The following PCDH15 variants were observed in gnomAD, a reference collection of about 807,000 sequenced individuals.
PCDH15 encodes the protein protocadherin-15.
Under a neutral mutation model 178.5 loss-of-function variants are expected in PCDH15, and 129 were observed. The observed-to-expected ratio is 0.72, with a 90% CI of 0.63 to 0.84. PCDH15 has a LOEUF of 0.84. PCDH15 is among the 40% of genes least tolerant of loss of function. The pLI is 0.00. For synonymous variants in PCDH15, 800 were observed against 732.0 expected (o/e 1.09, Z -1.50); for missense variants, 2,230 against 2,099.9 (o/e 1.06, Z -1.21).
intron 2 of PCDH15, among the ~76,000 whole-genome samples, chr10:55,618,277 T>C (rs1160675238): frequency 1.3e-5 from 2 of 152,090 alleles, no homozygotes; most frequent in Non-Finnish European, 2.9e-5. Flanking sequence ...TTTACTGAGG[T>C]AAACTTTTTT....
intron 2 of PCDH15, among the ~76,000 whole-genome samples, chr10:55,398,852 A>G (rs1837991903): frequency 6.6e-6 from 1 of 152,172 alleles, no homozygotes; most frequent in Admixed American, 6.6e-5. Flanking sequence ...ATTTGCTCAA[A>G]TAATAAAATA....
chr10:54,187,557 G>A (rs1030313526), intron 11 of PCDH15, among the ~76,000 whole-genome samples: 10 of 151,828 alleles, frequency 6.6e-5, no homozygotes, highest in African/African-American at 2.2e-4. Flanking sequence ...TGGATAAACA[G>A]AAACATTAAA....
chr10:54,523,066 CAT>C (rs766622702), intron 3 of PCDH15, among the ~76,000 whole-genome samples: 1 of 152,112 alleles, frequency 6.6e-6, no homozygotes, highest in Non-Finnish European at 1.5e-5. Flanking sequence ...AAAGCAATAT[CAT>C]AGTTTCCAAT....
chr10:54,049,479 G>A lies in PCDH15; in HGVS notation c.2220+17278C>T, dbSNP rs2093721484. Reference sequence around the variant, plus strand: ...AGGTGAATGCTTTCAGCATTTTCATGTTCAGTATGATGTTGGCTGTGGATC... The same window carrying A: ...AGGTGAATGCTTTCAGCATTTTCATATTCAGTATGATGTTGGCTGTGGATC... On this transcript the variant is annotated intron_variant, in intron 18 of 37. Coordinates refer to ENST00000644397, the MANE Select transcript of PCDH15 (RefSeq NM_001384140.1). Among the ~76,000 whole-genome samples, 5 of 152,080 alleles carry A rather than the reference G, an allele frequency of 3.3e-5. No individual in the cohort carries two copies. The South Asian group carries it at 1.0e-3, about 31-fold the overall frequency.
chr10:55,106,022 A>G (rs1247883761), intron 2 of PCDH15, among the ~76,000 whole-genome samples: 3 of 151,748 alleles, frequency 2.0e-5, no homozygotes, highest in Non-Finnish European at 2.9e-5. Context: ...ATTCATCTGT[A>G]TTATAAGTTT....
At chr10:55,521,007 T>C (rs914310321) in intron 2 of PCDH15, among the ~76,000 whole-genome samples, 5 of 151,950 alleles carry the variant, frequency 3.3e-5, no homozygotes, top group African/African-American at 1.2e-4. Context: ...AATACAATAT[T>C]ACTAGCTACA....
chr10:54,226,783 C>A (rs2053496823), intron 9 of PCDH15, among the ~76,000 whole-genome samples: 1 of 152,162 alleles, frequency 6.6e-6, no homozygotes, highest in Non-Finnish European at 1.5e-5. Context: ...GGGATACGGG[C>A]ATTGGATAAA....
chr10:53,894,079 TAAAC>T (rs1268177256), intron 26 of PCDH15, among the ~76,000 whole-genome samples: 2 of 152,170 alleles, frequency 1.3e-5, no homozygotes, highest in South Asian at 2.1e-4. Context: ...AATAAAATTT[TAAAC>T]AAACACCAAT....
chr10:53,991,565 G>T (rs899870045), intron 21 of PCDH15, among the ~76,000 whole-genome samples: 2 of 151,804 alleles, frequency 1.3e-5, no homozygotes, highest in Admixed American at 1.3e-4. Context: ...CATCTAGTGG[G>T]GACTTGGAGA....
In PCDH15 at chr10:54,669,850, C is replaced by T. The variant is rs576955046; in HGVS notation, c.-28-5560G>A. Among the ~76,000 whole-genome samples, 24 of 151,656 alleles carry T rather than the reference C, an allele frequency of 1.6e-4. No individual in the cohort carries two copies. In the East Asian group the frequency reaches 4.7e-3, roughly 29 times the overall value. On this transcript the variant is annotated intron_variant, in intron 1 of 37. Coordinates refer to ENST00000644397, the MANE Select transcript of PCDH15 (RefSeq NM_001384140.1). Reference sequence around the variant, plus strand: ...CATAGATAACTCGAGATCAGGAGTTCCAGACCAGCCTGGCAAACTTGGTGA... The same window carrying T: ...CATAGATAACTCGAGATCAGGAGTTTCAGACCAGCCTGGCAAACTTGGTGA...
At chr10:54,287,338 TTTTG>T (rs772481725) in intron 8 of PCDH15, among the ~76,000 whole-genome samples, 9 of 152,198 alleles carry the variant, frequency 5.9e-5, no homozygotes, top group Non-Finnish European at 8.8e-5. Context: ...AATTTTACTA[TTTTG>T]TTTATTTGCT....
intron 2 of PCDH15, among the ~76,000 whole-genome samples, chr10:55,161,444 T>A (rs1234305937): frequency 6.6e-6 from 1 of 152,064 alleles, no homozygotes; most frequent in African/African-American, 2.4e-5. Flanking sequence ...GATAAAGTTT[T>A]ATTGGAACCC....
intron 2 of PCDH15, among the ~76,000 whole-genome samples, chr10:55,089,519 G>A (rs1842261487): frequency 6.6e-6 from 1 of 151,980 alleles, no homozygotes; most frequent in African/African-American, 2.4e-5. Flanking sequence ...AACTAACTGT[G>A]TGGCTCTAGA....
intron 2 of PCDH15, among the ~76,000 whole-genome samples, chr10:54,580,045 C>G (rs2090896212): frequency 6.6e-6 from 1 of 151,972 alleles, no homozygotes; most frequent in African/African-American, 2.4e-5. Context: ...AATGATCTAA[C>G]ATTACACCTA....
At chr10:54,871,936 G>T (rs987868977) in intron 3 of PCDH15, among the ~76,000 whole-genome samples, 2 of 152,018 alleles carry the variant, frequency 1.3e-5, no homozygotes, top group African/African-American at 2.4e-5. Flanking sequence ...AGGATGAGAT[G>T]ATAATTTATT....
At chr10:55,545,204 G>A (rs964006957) in intron 2 of PCDH15, among the ~76,000 whole-genome samples, 27 of 151,160 alleles carry the variant, frequency 1.8e-4, no homozygotes, top group African/African-American at 5.1e-4. Flanking sequence ...TGTCACTCAA[G>A]TCACTACAAT....
chr10:54,711,523 G>T (rs16906424), intron 1 of PCDH15, among the ~76,000 whole-genome samples: 20,616 of 151,818 alleles, frequency 0.14, 1,483 homozygotes, highest in East Asian at 0.25. Flanking sequence ...ATCTGCTCAT[G>T]TATCACATGG....
At chr10:54,082,596 G>A (rs562622831) in intron 16 of PCDH15, among the ~76,000 whole-genome samples, 43 of 152,050 alleles carry the variant, frequency 2.8e-4, no homozygotes, top group African/African-American at 9.6e-4. Flanking sequence ...CCTCAAAATG[G>A]ATCAACAATT....
chr10:53,972,504 C>T (rs1000644395), intron 21 of PCDH15, among the ~76,000 whole-genome samples: 5 of 152,120 alleles, frequency 3.3e-5, no homozygotes, highest in African/African-American at 1.2e-4. Flanking sequence ...AACAGGCAAC[C>T]TACAGAATGG....
Sources: allele counts gnomAD v4.1 joint callset (sites outside exome capture counted in the v4.1 genomes callset), GRCh38; gene constraint gnomAD v4.1.1; transcripts MANE v1.5; gene names NCBI Gene and HGNC (gene_info 2026-07-23, HGNC 2026-07-21).